Variants in FBXO25 observed in about 807,000 individuals in gnomAD.
FBXO25 encodes F-box only protein 25.
Under a neutral mutation model 51.9 loss-of-function variants are expected in FBXO25, and 45 were observed. That is an observed-to-expected ratio of 0.87 (90% confidence interval 0.68 to 1.11). FBXO25 has a LOEUF of 1.11. Ranked by LOEUF, FBXO25 falls within the 50% of genes most tolerant of loss-of-function variation. The pLI is 0.00. For missense variants in FBXO25, 507 were observed against 428.5 expected, an observed-to-expected ratio of 1.18 and a Z score of -1.62; for synonymous variants, 199 against 151.0, an observed-to-expected ratio of 1.32 and a Z score of -2.33.
At chr8:426,836 C>T (rs1430900172) in intron 2 of FBXO25, among the ~76,000 whole-genome samples, 2 of 135,166 alleles carry the variant, frequency 1.5e-5, no homozygotes, top group Non-Finnish European at 3.4e-5. Context: ...TTGTCGCCCT[C>T]TGCTCTGCTG....
chr8:431,970 C>G (rs917956499), intron 3 of FBXO25, among the ~76,000 whole-genome samples: 8 of 152,172 alleles, frequency 5.3e-5, no homozygotes, highest in South Asian at 4.1e-4. Flanking sequence ...ATGCCTGAAA[C>G]TGTGGATACT....
At chr8:468,350 G>A in intron 9 of FBXO25, 1 of 840,078 alleles carries the variant, frequency 1.2e-6, no homozygotes, top group Non-Finnish European at 1.4e-6. Flanking sequence ...CAGGACAAAG[G>A]AATGGCTGGG....
chr8:448,248 G>T (rs1798858219), intron 5 of FBXO25, among the ~76,000 whole-genome samples: 1 of 152,144 alleles, frequency 6.6e-6, no homozygotes, highest in African/African-American at 2.4e-5. Context: ...AGTGTACATT[G>T]TGAGAGGGCA....
At chr8:444,936 C>G (rs557399086) in intron 5 of FBXO25, among the ~76,000 whole-genome samples, 1 of 152,166 alleles carries the variant, frequency 6.6e-6, no homozygotes, top group East Asian at 1.9e-4. Context: ...CAGATTGTAT[C>G]CCCCTTGTTA....
chr8:412,610 C>A (rs1418170032), intron 1 of FBXO25, among the ~76,000 whole-genome samples: 1 of 152,184 alleles, frequency 6.6e-6, no homozygotes, highest in Non-Finnish European at 1.5e-5. Context: ...TTGATCCAGC[C>A]TTAAATGACT....
rs1363184738 is a variant in FBXO25, at chr8:475,632, T to G, written c.*6828T>G. ...TGGTTTTCAAGTACAAGTCTTTTGC[T>G]TCCTTAAGTTTATTCCTAAATATTT... is the stretch of plus-strand genomic sequence containing the variant. On this transcript the variant is annotated 3_prime_UTR_variant, in exon 10 of 10. Coordinates refer to ENST00000350302, the MANE Select transcript of FBXO25 (RefSeq NM_183420.2). The G allele has an allele frequency of 6.6e-6, 1 of 152,218 alleles. No individual in the cohort carries two copies. Among genetic ancestry groups the G allele is most frequent in the Non-Finnish European group, 1.5e-5 (1 of 68,016 alleles). 9.4% of individuals were successfully genotyped at this position (152,218 alleles called of 1,614,324 possible). A position where few individuals can be genotyped will look rare whatever the true frequency, so the allele number is the denominator to read the frequency against.
At chr8:414,284 A>G (rs1796662201) in intron 2 of FBXO25, among the ~76,000 whole-genome samples, 1 of 152,230 alleles carries the variant, frequency 6.6e-6, no homozygotes, top group African/African-American at 2.4e-5. Context: ...TTGGTATTGC[A>G]TAATGTTATA....
chr8:446,949 A>C (rs1435167723), intron 5 of FBXO25, among the ~76,000 whole-genome samples: 1 of 152,194 alleles, frequency 6.6e-6, no homozygotes, highest in Non-Finnish European at 1.5e-5. Flanking sequence ...ATTTTCAGAG[A>C]AATAAGAGGC....
chr8:457,240 A>G (rs941009174), intron 7 of FBXO25, among the ~76,000 whole-genome samples: 1 of 152,220 alleles, frequency 6.6e-6, no homozygotes, highest in Non-Finnish European at 1.5e-5. Flanking sequence ...CCCCACTGTC[A>G]GGAAGACGTG....
chr8:433,362 C>T (rs1195052027), intron 4 of FBXO25, among the ~76,000 whole-genome samples: 1 of 152,160 alleles, frequency 6.6e-6, no homozygotes, highest in Non-Finnish European at 1.5e-5. Context: ...CAAGCATGGA[C>T]TCCTGCAGTC....
Position 475,169 on chromosome 8 carries a change from C to T in FBXO25, c.*6365C>T, listed in dbSNP as rs1038925536. ...GGTAGATCTAGCTTCATGTGGATGT[C>T]CACTTGTCTAGCACCATTTGTTGAA... On this transcript the variant is annotated 3_prime_UTR_variant, in exon 10 of 10. Coordinates refer to ENST00000350302, the MANE Select transcript of FBXO25 (RefSeq NM_183420.2). 3 of 346,250 alleles carry T rather than the reference C, an allele frequency of 8.7e-6. No homozygotes were observed. Among genetic ancestry groups the T allele is most frequent in the Non-Finnish European group, 1.7e-5 (3 of 180,752 alleles). 21.4% of individuals were successfully genotyped at this position (346,250 alleles called of 1,614,324 possible).
intron 9 of FBXO25, 120 bp downstream of exon 9, chr8:463,270 A>C: frequency 8.8e-7 from 1 of 1,136,362 alleles, no homozygotes; most frequent in Non-Finnish European, 1.3e-6. Flanking sequence ...AAGTAAGTTA[A>C]GGAGATATAT....
chr8:465,941 A>C (rs1800128831), intron 9 of FBXO25, among the ~76,000 whole-genome samples: 1 of 152,188 alleles, frequency 6.6e-6, no homozygotes, highest in Non-Finnish European at 1.5e-5. Context: ...TTGTTATCAT[A>C]CTTGATCATA....
chr8:423,463 A>G (rs1797280584), intron 2 of FBXO25, among the ~76,000 whole-genome samples: 1 of 151,910 alleles, frequency 6.6e-6, no homozygotes, highest in Non-Finnish European at 1.5e-5. Context: ...ACCTTCTAGT[A>G]GTCCCCAGTG....
intron 9 of FBXO25, among the ~76,000 whole-genome samples, chr8:463,533 T>A (rs1191569024): frequency 1.3e-5 from 2 of 152,182 alleles, no homozygotes; most frequent in African/African-American, 4.8e-5. Context: ...TTCCCCAGAC[T>A]TAGCCCTCGG....
intron 2 of FBXO25, among the ~76,000 whole-genome samples, chr8:422,457 G>A (rs1311613470): frequency 6.6e-6 from 1 of 152,244 alleles, no homozygotes; most frequent in African/African-American, 2.4e-5. Context: ...GCTAAGTACA[G>A]TGTGGATCCT....
intron 1 of FBXO25, among the ~76,000 whole-genome samples, chr8:410,639 T>A (rs1388499972): frequency 6.6e-6 from 1 of 152,202 alleles, no homozygotes; most frequent in Non-Finnish European, 1.5e-5. Flanking sequence ...CTGTATGCTA[T>A]TAGAGACAGT....
chr8:424,539 A>T (rs1308673940), intron 2 of FBXO25, among the ~76,000 whole-genome samples: 1 of 152,102 alleles, frequency 6.6e-6, no homozygotes, highest in Admixed American at 6.5e-5. Context: ...TAATTTTTGT[A>T]TATGCTGAAA....
In FBXO25 at chr8:421,818, A is replaced by C. The variant is rs186944268; in HGVS notation, c.134+8605A>C. ...GAAAGGTGAGTGATGGGAGCCTGTC[A>C]GATATCAGAAGGGTAGATGTCCGTC... is the stretch of plus-strand genomic sequence containing the variant. On this transcript the variant is annotated intron_variant, in intron 2 of 9. Coordinates refer to ENST00000350302, the MANE Select transcript of FBXO25 (RefSeq NM_183420.2). Among the ~76,000 whole-genome samples, 679 of 152,316 alleles carry C rather than the reference A, an allele frequency of 4.5e-3. 2 individuals carry two copies. Among genetic ancestry groups the C allele is most frequent in the Non-Finnish European group, 6.3e-3 (426 of 68,030 alleles).
Sources: allele counts gnomAD v4.1 joint callset (sites outside exome capture counted in the v4.1 genomes callset), GRCh38; gene constraint gnomAD v4.1.1; transcripts MANE v1.5; gene names NCBI Gene and HGNC (gene_info 2026-07-23, HGNC 2026-07-21).